RFC3: variants seen among roughly 807,000 people sequenced by gnomAD.
The protein encoded by RFC3 is replication factor C subunit 3.
A neutral mutation model predicts 45.1 loss-of-function variants in RFC3; 41 were observed. That is an observed-to-expected ratio of 0.91 (90% confidence interval 0.71 to 1.18). The LOEUF is 1.18. RFC3 is among the 50% of genes most tolerant of loss of function. RFC3 has a pLI of 0.00. For synonymous variants in RFC3, 149 were observed against 144.0 expected (o/e 1.03, Z -0.25); for missense variants, 423 against 428.1 (o/e 0.99, Z 0.10).
chr13:33,969,164 G>A (rs995843602), downstream of RFC3, among the ~76,000 whole-genome samples: 2 of 152,178 alleles, frequency 1.3e-5, no homozygotes, highest in African/African-American at 4.8e-5. Context: ...TGATGATATT[G>A]TATCACAGGT....
chr13:33,854,647 C>G (rs1326433891), intron 8 of RFC3, among the ~76,000 whole-genome samples: 1 of 151,912 alleles, frequency 6.6e-6, no homozygotes, highest in Non-Finnish European at 1.5e-5. Flanking sequence ...GAATGGCTGC[C>G]CCTGAGAGAT....
chr13:33,871,056 A>C (rs1209951158), intron 8 of RFC3, among the ~76,000 whole-genome samples: 3 of 152,204 alleles, frequency 2.0e-5, no homozygotes, highest in Non-Finnish European at 4.4e-5. Context: ...ATGGTAAATC[A>C]AGGCCCAGAG....
chr13:33,890,373 C>T (rs2082556009), intron 8 of RFC3, among the ~76,000 whole-genome samples: 1 of 152,102 alleles, frequency 6.6e-6, no homozygotes, highest in Non-Finnish European at 1.5e-5. Flanking sequence ...GCCATTACTA[C>T]CCTATATGGG....
chr13:33,845,967 G>A (rs1246943050), intron 8 of RFC3, among the ~76,000 whole-genome samples: 2 of 152,188 alleles, frequency 1.3e-5, no homozygotes, highest in African/African-American at 4.8e-5. Flanking sequence ...TCTGGTTACT[G>A]TAGCCATATA....
chr13:33,924,397 CTG>C (rs899955510), intron 8 of RFC3, among the ~76,000 whole-genome samples: 3 of 151,866 alleles, frequency 2.0e-5, no homozygotes, highest in African/African-American at 7.3e-5. Flanking sequence ...TACCTGCTGA[CTG>C]TGTTTGTAAA....
chr13:33,882,987 CCA>C (rs2082495250), intron 8 of RFC3, among the ~76,000 whole-genome samples: 1 of 152,166 alleles, frequency 6.6e-6, no homozygotes, highest in African/African-American at 2.4e-5. Context: ...TGTGGATGTT[CCA>C]GTTTGTTTAC....
intron 8 of RFC3, among the ~76,000 whole-genome samples, chr13:33,956,377 G>A (rs995978884): frequency 2.0e-5 from 3 of 152,266 alleles, no homozygotes; most frequent in African/African-American, 4.8e-5. Flanking sequence ...CTGGGCCCAC[G>A]TTGGTATAAG....
At chr13:33,837,691 A>G (rs1397467663), downstream of RFC3, among the ~76,000 whole-genome samples, 1 of 151,932 alleles carries the variant, frequency 6.6e-6, no homozygotes, top group Non-Finnish European at 1.5e-5. Context: ...GGTTTTATTG[A>G]CTTTCTATGT....
intron 8 of RFC3, among the ~76,000 whole-genome samples, chr13:33,857,337 A>G (rs2137525212): frequency 6.6e-6 from 1 of 152,300 alleles, no homozygotes; most frequent in Admixed American, 6.5e-5. Context: ...TTCCTACAGA[A>G]TGGACTCAAA....
intron 8 of RFC3, among the ~76,000 whole-genome samples, chr13:33,870,391 A>G: frequency 6.6e-6 from 1 of 152,256 alleles, no homozygotes; most frequent in Non-Finnish European, 1.5e-5. Context: ...TTCAAGGCAC[A>G]TGACATCTCA....
chr13:33,862,140 C>CTT lies in RFC3; in HGVS notation c.879+26924_879+26925dup, dbSNP rs1395179783. 2.0e-5 allele frequency among the ~76,000 whole-genome samples: 3 copies of CTT among 152,238 alleles called. No homozygotes were observed. In the East Asian group the frequency reaches 5.8e-4, roughly 29 times the overall value. On this transcript the variant is annotated intron_variant, in intron 8 of 8. Coordinates refer to the RFC3 transcript ENST00000434425. ...TTTCAATTAATCAAAAATGTTTTCCCTTCCACTTAGCTAAGTCGCTCAGGT... is the reference window on the plus strand; with the variant it reads ...TTTCAATTAATCAAAAATGTTTTCCCTTTTCCACTTAGCTAAGTCGCTCAGGT...
chr13:33,921,801 AG>A (rs1225122265), intron 8 of RFC3, among the ~76,000 whole-genome samples: 1 of 152,098 alleles, frequency 6.6e-6, no homozygotes, highest in Non-Finnish European at 1.5e-5. Context: ...TGGTTTCTCT[AG>A]GGGTTGCTCA....
chr13:33,845,129 T>C (rs1405475557), intron 8 of RFC3, among the ~76,000 whole-genome samples: 1 of 152,210 alleles, frequency 6.6e-6, no homozygotes, highest in Non-Finnish European at 1.5e-5. Flanking sequence ...AAGATTTCCA[T>C]AGTGAAATCT....
chr13:33,859,343 A>C (rs1316473849), intron 8 of RFC3, among the ~76,000 whole-genome samples: 2 of 152,228 alleles, frequency 1.3e-5, no homozygotes, highest in Non-Finnish European at 2.9e-5. Flanking sequence ...CCAACCCAAC[A>C]TACTTATAAT....
intron 8 of RFC3, among the ~76,000 whole-genome samples, chr13:33,920,725 T>G (rs2082763748): frequency 6.6e-6 from 1 of 152,092 alleles, no homozygotes; most frequent in African/African-American, 2.4e-5. Flanking sequence ...TGTGAGCCAC[T>G]GCACCCAGCC....
At chr13:33,973,568 G>A in the RFC3 span, among the ~76,000 whole-genome samples, 11 of 151,892 alleles carry the variant, frequency 7.2e-5, no homozygotes, top group East Asian at 1.9e-4. Flanking sequence ...CGTAATACCT[G>A]GTGACTATAA....
At chr13:33,870,922 G>T in intron 8 of RFC3, among the ~76,000 whole-genome samples, 1 of 152,278 alleles carries the variant, frequency 6.6e-6, no homozygotes, top group South Asian at 2.1e-4. Context: ...TTAAAATTGA[G>T]AATATCATCA....
intron 8 of RFC3, chr13:33,846,207 CTA>C (rs1433545708): frequency 6.6e-6 from 1 of 152,230 alleles, no homozygotes; most frequent in East Asian, 1.9e-4. Context: ...TGGGACTGTG[CTA>C]TGTCAGGACT....
intron 8 of RFC3, among the ~76,000 whole-genome samples, chr13:33,843,565 G>A (rs961390509): frequency 6.6e-6 from 1 of 152,326 alleles, no homozygotes; most frequent in South Asian, 2.1e-4. Context: ...GAAAGAGCTT[G>A]ACACAGTTTC....
Sources: allele counts gnomAD v4.1 joint callset (sites outside exome capture counted in the v4.1 genomes callset), GRCh38; gene constraint gnomAD v4.1.1; transcripts MANE v1.5; gene names NCBI Gene and HGNC (gene_info 2026-07-23, HGNC 2026-07-21).